The following ARHGAP25 variants were observed in gnomAD, a reference collection of about 807,000 sequenced individuals.
ARHGAP25 encodes rho GTPase-activating protein 25.
Under a neutral mutation model 71.0 loss-of-function variants are expected in ARHGAP25, and 34 were observed. That is an observed-to-expected ratio of 0.48 (90% CI 0.36 to 0.64). The LOEUF is 0.64. ARHGAP25 is among the 30% of genes least tolerant of loss of function. The pLI, the probability that ARHGAP25 is intolerant of heterozygous loss-of-function variation, is 0.00. For missense variants in ARHGAP25, 706 were observed against 805.1 expected (o/e 0.88, Z 1.49); for synonymous variants, 282 against 296.5 (o/e 0.95, Z 0.50).
rs1406382200 is a variant in ARHGAP25 at position 68,767,959 on chromosome 2, C to A, written c.62-7262C>A. Reference sequence around the variant, plus strand: ...GAAAGGTGGCATGGTCTCTCCTGTCCACTTCACTCTGGATTCTTTAACCCT... The same window carrying A: ...GAAAGGTGGCATGGTCTCTCCTGTCAACTTCACTCTGGATTCTTTAACCCT... On this transcript the variant is annotated intron_variant, in intron 1 of 10. Coordinates refer to ENST00000409202, the MANE Select transcript of ARHGAP25 (RefSeq NM_001007231.3). The surrounding 1 kb of genome is among the most constrained non-coding windows in gnomAD (Gnocchi z 4.6). 6.6e-6 allele frequency among the ~76,000 whole-genome samples: 1 copy of A among 152,180 alleles called. No individual in the cohort carries two copies. Among genetic ancestry groups the A allele is most frequent in the Non-Finnish European group, 1.5e-5 (1 of 68,046 alleles).
At position 68,775,325 on chromosome 2, in the gene ARHGAP25, CAGAGG is replaced by C; in HGVS notation, c.167_171del (p.Gln56LeufsTer24). 6.2e-7 allele frequency: 1 copy of C among 1,614,230 alleles called. No individual in the cohort carries two copies. The highest frequency in any genetic ancestry group is 8.5e-7 in the Non-Finnish European group (1 of 1,180,052). Reference sequence around the variant, plus strand: ...CATCAAGATGGGCTGGCTGAAGAAGCAGAGGTCCATCGTGAAGAACTGGCAGCAGA... The same window carrying C: ...CATCAAGATGGGCTGGCTGAAGAAGCTCCATCGTGAAGAACTGGCAGCAGA... On this transcript the variant is annotated frameshift_variant, in exon 2 of 11. Coordinates refer to ENST00000409202, the MANE Select transcript of ARHGAP25 (RefSeq NM_001007231.3). LOFTEE classifies it high-confidence loss of function.
Position 68,735,017 on chromosome 2 carries a change from C to T in ARHGAP25, c.-183C>T. ...TCCAGTGACAGATGGATGGACCTTT[C>T]ATCTAAGAGAAAGGAGGAGACACGT... On this transcript the variant is annotated 5_prime_UTR_variant, in exon 1 of 11. Transcript: ENST00000409202. 1.6e-6 allele frequency: 1 copy of T among 634,990 alleles called. No individual in the cohort carries two copies. Among genetic ancestry groups the T allele is most frequent in the Non-Finnish European group, 2.8e-6 (1 of 354,272 alleles). 39.3% of individuals were successfully genotyped at this position (634,990 alleles called of 1,614,324 possible).
chr2:68,766,714 T>TTC lies in ARHGAP25; in HGVS notation c.62-8489_62-8488dup, dbSNP rs140846028. Among the ~76,000 whole-genome samples, 215 of 148,412 alleles carry TTC rather than the reference T, an allele frequency of 1.4e-3. 1 individual carries two copies. Among genetic ancestry groups the TTC allele is most frequent in the Middle Eastern group, 6.9e-3 (2 of 288 alleles). Reference sequence around the variant, plus strand: ...AGCCAGTACTCCTCTCTCTCTCCCCTTCTCTCTCTCTCTCTCTCTTGTTCT... The same window carrying TTC: ...AGCCAGTACTCCTCTCTCTCTCCCCTTCTCTCTCTCTCTCTCTCTCTTGTTCT... On this transcript the variant is annotated intron_variant, in intron 1 of 10. Coordinates refer to ENST00000409202, the MANE Select transcript of ARHGAP25 (RefSeq NM_001007231.3).
intron 4 of ARHGAP25, among the ~76,000 whole-genome samples, chr2:68,801,133 C>T (rs944222662): frequency 1.3e-5 from 2 of 151,908 alleles, no homozygotes; most frequent in East Asian, 3.9e-4. Context: ...GATGATTTTT[C>T]TCTCATGTAA....
intron 1 of ARHGAP25, among the ~76,000 whole-genome samples, chr2:68,772,744 A>C (rs1220517372): frequency 6.6e-6 from 1 of 152,194 alleles, no homozygotes; most frequent in East Asian, 1.9e-4. Context: ...ACAGCCTTAG[A>C]GCAAGTGATC....
chr2:68,769,349 C>T (rs1677333773), intron 1 of ARHGAP25, among the ~76,000 whole-genome samples: 1 of 152,164 alleles, frequency 6.6e-6, no homozygotes, highest in African/African-American at 2.4e-5. Flanking sequence ...GACCTGTCCA[C>T]TTACCCTTAC....
At chr2:68,774,232 T>C (rs906540671) in intron 1 of ARHGAP25, among the ~76,000 whole-genome samples, 10 of 151,986 alleles carry the variant, frequency 6.6e-5, no homozygotes, top group Non-Finnish European at 1.5e-4. Context: ...TTGAACTGGC[T>C]GGGAAATAAG....
chr2:68,813,694 C>T (rs529044160), intron 6 of ARHGAP25, among the ~76,000 whole-genome samples: 5 of 152,274 alleles, frequency 3.3e-5, no homozygotes, highest in Middle Eastern at 3.4e-3. Context: ...CATCGGAGGA[C>T]GGTTTCAAGC....
chr2:68,758,017 T>C lies in ARHGAP25; in HGVS notation c.62-17204T>C, dbSNP rs112143093. ...CAGAGTATTTGTATGTTATTAAAGT[T>C]AAGTTCATATAAATTTAAATTAGAA... On this transcript the variant is annotated intron_variant, in intron 1 of 10. Coordinates refer to ENST00000409202, the MANE Select transcript of ARHGAP25 (RefSeq NM_001007231.3). 3.5e-3 allele frequency among the ~76,000 whole-genome samples: 530 copies of C among 151,822 alleles called. 6 individuals are homozygous for C. The highest frequency in any genetic ancestry group is 0.012 in the African/African-American group (503 of 41,228).
In ARHGAP25 at chr2:68,819,128, C is replaced by G. The variant is rs1315970502; in HGVS notation, c.1009C>G (p.Pro337Ala). The change falls in exon 9 of 11, where the codon CCT becomes GCT. Residue 337 changes from proline to alanine, a missense_variant. Coordinates refer to ENST00000409202, the MANE Select transcript of ARHGAP25 (RefSeq NM_001007231.3). ...CTTTTTCTTCTGTCTTTCAGGGACTCCTCAGATCCAAAGAGTGATGACTAT... is the reference window on the plus strand; with the variant it reads ...CTTTTTCTTCTGTCTTTCAGGGACTGCTCAGATCCAAAGAGTGATGACTAT... Reference protein sequence around the residue: ...EDPAVIMRGTPQIQRVMTMMI... With the variant: ...EDPAVIMRGTAQIQRVMTMMI... 1 of 1,551,688 alleles carries G rather than the reference C, an allele frequency of 6.4e-7. No individual in the cohort carries two copies. Among genetic ancestry groups the G allele is most frequent in the South Asian group, 1.2e-5 (1 of 81,208 alleles).
At chr2:68,780,661 C>T (rs1468373979) in intron 2 of ARHGAP25, among the ~76,000 whole-genome samples, 2 of 151,704 alleles carry the variant, frequency 1.3e-5, no homozygotes, top group Admixed American at 1.3e-4. Flanking sequence ...GTTCTTTCTC[C>T]TCTTCCTTCT....
chr2:68,760,321 C>T (rs1316513030), intron 1 of ARHGAP25, among the ~76,000 whole-genome samples: 1 of 151,958 alleles, frequency 6.6e-6, no homozygotes, highest in Admixed American at 6.6e-5. Context: ...CAATGTAATA[C>T]TTGAAGCCCT....
At chr2:68,721,320 C>T (rs942620098) in intron 2 of ARHGAP25, among the ~76,000 whole-genome samples, 2 of 152,134 alleles carry the variant, frequency 1.3e-5, no homozygotes, top group African/African-American at 4.8e-5. Flanking sequence ...TATTTCTGAG[C>T]ATTAGGTTTG....
intron 2 of ARHGAP25, among the ~76,000 whole-genome samples, chr2:68,710,963 T>C (rs1674466709): frequency 6.6e-6 from 1 of 152,168 alleles, no homozygotes; most frequent in African/African-American, 2.4e-5. Context: ...TCAGAGTCTT[T>C]TCTGCCTCCT....
Position 68,779,199 on chromosome 2 carries a change from T to C in ARHGAP25, c.262-3034T>C, listed in dbSNP as rs190817055. 5.3e-5 allele frequency among the ~76,000 whole-genome samples: 8 copies of C among 152,320 alleles called. No individual in the cohort carries two copies. In the East Asian group the frequency reaches 7.7e-4, roughly 15 times the overall value. ...ACTGGCCCTCTGATGGGAGAGCCGATTGAAGGGCAACATTTGCTAATTTCT... is the reference window on the plus strand; with the variant it reads ...ACTGGCCCTCTGATGGGAGAGCCGACTGAAGGGCAACATTTGCTAATTTCT... On this transcript the variant is annotated intron_variant, in intron 2 of 10. Transcript: ENST00000409202.
intron 4 of ARHGAP25, among the ~76,000 whole-genome samples, chr2:68,800,216 G>C (rs1414036545): frequency 6.6e-6 from 1 of 151,840 alleles, no homozygotes; most frequent in African/African-American, 2.4e-5. Context: ...AGCTCTCCCT[G>C]AGGCCTGGGC....
chr2:68,799,509 T>G (rs1043200600), intron 4 of ARHGAP25, among the ~76,000 whole-genome samples: 1 of 152,192 alleles, frequency 6.6e-6, no homozygotes, highest in Non-Finnish European at 1.5e-5. Flanking sequence ...TCATAAACGC[T>G]AAGTGAAATT....
rs200054084 is a variant in ARHGAP25 at position 68,740,341 on chromosome 2, C to T, written c.61+5081C>T. Among the ~76,000 whole-genome samples the T allele has an allele frequency of 1.4e-4, 22 of 152,304 alleles. 1 individual carries two copies. The East Asian group carries it at 4.2e-3, about 29-fold the overall frequency. On this transcript the variant is annotated intron_variant, in intron 1 of 10. Coordinates refer to ENST00000409202, the MANE Select transcript of ARHGAP25 (RefSeq NM_001007231.3). Reference sequence around the variant, plus strand: ...TCTACTTTTTTGGAGAAACAGAAGGCTTTATACTATGTATAGACCCTCTGC... The same window carrying T: ...TCTACTTTTTTGGAGAAACAGAAGGTTTTATACTATGTATAGACCCTCTGC...
At chr2:68,787,741 T>C in intron 3 of ARHGAP25, 99 bp from the exon 4 acceptor site, 1 of 936,714 alleles carries the variant, frequency 1.1e-6, no homozygotes, top group Admixed American at 1.8e-5. Context: ...AGTGCTTCAT[T>C]GAACCAAGAC....
Sources: gnomAD v4.1 joint callset for allele counts (sites outside exome capture counted in the v4.1 genomes callset) on GRCh38, gnomAD v4.1.1 for gene constraint, Gnocchi (gnomAD v3.1) non-coding constraint, MANE v1.5 for transcripts, NCBI Gene and HGNC (gene_info 2026-07-23, HGNC 2026-07-21) for gene names.